The following PPP6R2 variants were observed in gnomAD, a reference collection of about 807,000 sequenced individuals.
The protein encoded by PPP6R2 is protein phosphatase 6 regulatory subunit 2, also known as serine/threonine-protein phosphatase 6 regulatory subunit 2.
PPP6R2 carries 62 observed loss-of-function variants against 100.2 expected under a neutral mutation model. The ratio of observed to expected loss-of-function variants is 0.62; its 90% confidence interval spans 0.50 to 0.76. The LOEUF (loss-of-function observed/expected upper bound fraction) is 0.76, where lower values mean the gene tolerates loss of function less well. Ranked by LOEUF, PPP6R2 falls within the 30% of genes least tolerant of loss-of-function variation. PPP6R2 has a pLI of 0.00. For synonymous variants in PPP6R2, 525 were observed against 514.7 expected, an observed-to-expected ratio of 1.02 and a Z score of -0.27; for missense variants, 1,142 against 1,276.3, an observed-to-expected ratio of 0.89 and a Z score of 1.60.
intron 22 of PPP6R2, among the ~76,000 whole-genome samples, chr22:50,442,012 G>T (rs537726310): frequency 6.6e-6 from 1 of 152,128 alleles, no homozygotes; most frequent in East Asian, 1.9e-4. Flanking sequence ...GGAAGTCCTC[G>T]GGCTGGATTC....
At chr22:50,374,246 G>T (rs1410963151) in intron 2 of PPP6R2, among the ~76,000 whole-genome samples, 1 of 152,084 alleles carries the variant, frequency 6.6e-6, no homozygotes, top group Non-Finnish European at 1.5e-5. Flanking sequence ...TGGGCGGATG[G>T]ATGGCTTGAG....
chr22:50,354,342 A>G (rs1203432478), intron 1 of PPP6R2, among the ~76,000 whole-genome samples: 1 of 152,034 alleles, frequency 6.6e-6, no homozygotes, highest in Non-Finnish European at 1.5e-5. Context: ...AATGCCTGGG[A>G]CTAGAGATGT....
intron 2 of PPP6R2, 167 bp from the exon 3 acceptor site, chr22:50,393,726 G>T (rs1167898918): frequency 1.0e-6 from 1 of 985,206 alleles, no homozygotes; most frequent in Non-Finnish European, 1.2e-6. Context: ...TGAGCTCTGG[G>T]AATCTTGTGT....
chr22:50,410,873 A>G (rs1343839279), intron 4 of PPP6R2, among the ~76,000 whole-genome samples: 1 of 151,392 alleles, frequency 6.6e-6, no homozygotes, highest in Non-Finnish European at 1.5e-5. Context: ...GCTCACTGCA[A>G]CCTCCGCCCC....
In PPP6R2 at chr22:50,439,961, C is replaced by T; in HGVS notation, c.2286C>T (p.Cys762=). 4 of 1,613,374 alleles carry T rather than the reference C, an allele frequency of 2.5e-6. No individual in the cohort carries two copies. Among genetic ancestry groups the T allele is most frequent in the Non-Finnish European group, 3.4e-6 (4 of 1,179,770 alleles). The change falls in exon 21 of 24, where the codon TGC becomes TGT. Residue 762 remains cysteine, a splice_region_variant and synonymous_variant. Coordinates refer to ENST00000612753, the MANE Select transcript of PPP6R2 (RefSeq NM_001242898.2). ...ATCCTGTCCTCGTCCTTGTATGCAG[C>T]TCCGAGTCAGGGCCCAGGTGCAGCT... ...AKFTDFQPFC[C]SESGPRCSSP... is the part of the protein sequence containing the mutation.
chr22:50,422,424 A>G lies in PPP6R2; in HGVS notation c.972+44A>G, dbSNP rs577541012. 5.0e-6 allele frequency: 8 copies of G among 1,603,524 alleles called. No homozygotes were observed. In the South Asian group the frequency reaches 8.9e-5, roughly 18 times the overall value. On this transcript the variant is annotated intron_variant, in intron 9 of 23. Coordinates refer to ENST00000612753, the MANE Select transcript of PPP6R2 (RefSeq NM_001242898.2). ...TGCTGAGTGCCTTTGGAGGCGTCGCAGGAGAGGTTGATTTGCAGGGAGGAG... is the reference window on the plus strand; with the variant it reads ...TGCTGAGTGCCTTTGGAGGCGTCGCGGGAGAGGTTGATTTGCAGGGAGGAG...
rs2148323104 is a variant in PPP6R2, at chr22:50,437,894, G to A, written c.1833G>A (p.Glu611=). The stretch of plus-strand genomic sequence containing the variant: ...TCAACTTCAACATCGACGCTGACGA[G>A]GACAGTGTGAGCAAGCCGGGCTGTG... The part of the protein sequence containing the change: ...AEINFNIDAD[E]DSPSAALFEA... Residue 611 remains glutamate (E), a synonymous_variant, in exon 17 of 24, where the codon GAG becomes GAA. Coordinates refer to ENST00000612753, the MANE Select transcript of PPP6R2 (RefSeq NM_001242898.2). The A allele has an allele frequency of 6.4e-7, 1 of 1,556,850 alleles. No individual in the cohort carries two copies. The highest frequency in any genetic ancestry group is 8.7e-7 in the Non-Finnish European group (1 of 1,150,224).
chr22:50,441,903 A>G (rs2065730055), intron 22 of PPP6R2, among the ~76,000 whole-genome samples: 1 of 152,150 alleles, frequency 6.6e-6, no homozygotes, highest in Non-Finnish European at 1.5e-5. Flanking sequence ...GGGGGAGGGT[A>G]GGACTGGGCT....
intron 2 of PPP6R2, among the ~76,000 whole-genome samples, chr22:50,391,702 G>GT (rs71198243): frequency 0.39 from 55,750 of 144,762 alleles, 11,116 homozygotes; most frequent in South Asian, 0.58. Flanking sequence ...GTATCTTGCT[G>GT]TTTTTTTTTT....
intron 2 of PPP6R2, among the ~76,000 whole-genome samples, chr22:50,389,893 G>A (rs1349546843): frequency 6.6e-6 from 1 of 151,548 alleles, no homozygotes; most frequent in African/African-American, 2.4e-5. Context: ...CCAGCCTGAT[G>A]TGATCATTTT....
chr22:50,402,562 C>T (rs376193836), intron 3 of PPP6R2, among the ~76,000 whole-genome samples: 16 of 152,130 alleles, frequency 1.1e-4, no homozygotes, highest in African/African-American at 3.4e-4. Flanking sequence ...TCTGTGGGCT[C>T]CTGAAACTCA....
At chr22:50,412,832 AC>A (rs2059953970) in intron 4 of PPP6R2, among the ~76,000 whole-genome samples, 1 of 148,612 alleles carries the variant, frequency 6.7e-6, no homozygotes, top group Admixed American at 6.7e-5. Flanking sequence ...TTTAGTAGAG[AC>A]GGGGTTTCAC....
At chr22:50,346,911 C>T (rs959633435) in intron 1 of PPP6R2, among the ~76,000 whole-genome samples, 1 of 151,412 alleles carries the variant, frequency 6.6e-6, no homozygotes, top group Non-Finnish European at 1.5e-5. Context: ...AGTCACTGAC[C>T]GCATAATCCC....
At position 50,370,436 on chromosome 22, in the gene PPP6R2, T is replaced by TGA. The variant is rs2049829776; in HGVS notation, c.-147-1583_-147-1582insAG. Among the ~76,000 whole-genome samples the TGA allele has an allele frequency of 3.3e-5, 5 of 151,310 alleles. No individual in the cohort carries two copies. The South Asian group carries it at 1.0e-3, about 32-fold the overall frequency. On this transcript the variant is annotated intron_variant, in intron 1 of 23. Transcript: ENST00000612753. ...CCGAGGAGATGGGATTACAGGCGCC[T>TGA]GCCACCACGCCCAGCTAATTTTTTG...
intron 3 of PPP6R2, among the ~76,000 whole-genome samples, chr22:50,399,394 T>C (rs1395703217): frequency 1.3e-5 from 2 of 152,214 alleles, no homozygotes; most frequent in Admixed American, 6.5e-5. Context: ...GGGGCTACAT[T>C]CCAAGAAGGC....
chr22:50,401,601 T>G (rs1039020044), intron 3 of PPP6R2, among the ~76,000 whole-genome samples: 1 of 150,468 alleles, frequency 6.6e-6, no homozygotes, highest in Non-Finnish European at 1.5e-5. Flanking sequence ...AAGCTCTGCC[T>G]CCTGGGTTCA....
intron 1 of PPP6R2, among the ~76,000 whole-genome samples, chr22:50,370,912 G>A (rs186313347): frequency 3.8e-4 from 57 of 151,596 alleles, no homozygotes; most frequent in Non-Finnish European, 7.3e-4. Flanking sequence ...GATTATAGGC[G>A]TGAGCCACTG....
chr22:50,419,248 A>C, intron 7 of PPP6R2, 101 bp from the exon 8 acceptor site: 5 of 1,049,634 alleles, frequency 4.8e-6, no homozygotes, highest in Non-Finnish European at 7.1e-6. Context: ...GAGCAGGTTG[A>C]GGGTTTTGCT....
intron 6 of PPP6R2, among the ~76,000 whole-genome samples, chr22:50,417,608 C>G (rs1267577684): frequency 6.6e-6 from 1 of 152,206 alleles, no homozygotes; most frequent in Non-Finnish European, 1.5e-5. Flanking sequence ...GCCTGGCCAA[C>G]CACCCTACTT....
Sources: gnomAD v4.1 joint callset for allele counts (sites outside exome capture counted in the v4.1 genomes callset) on GRCh38, gnomAD v4.1.1 for gene constraint, MANE v1.5 for transcripts, NCBI Gene and HGNC (gene_info 2026-07-23, HGNC 2026-07-21) for gene names.